KCNIP1: variants seen among roughly 807,000 people sequenced by gnomAD.
KCNIP1 encodes potassium voltage-gated channel interacting protein 1.
Under a neutral mutation model 33.0 loss-of-function variants are expected in KCNIP1, and 18 were observed. The observed-to-expected ratio is 0.55, with a 90% CI of 0.38 to 0.81. The LOEUF (loss-of-function observed/expected upper bound fraction) is 0.81, where lower values mean the gene tolerates loss of function less well. Ranked by LOEUF, KCNIP1 falls within the 30% of genes least tolerant of loss-of-function variation. KCNIP1 has a pLI of 0.00. For missense variants in KCNIP1, 238 were observed against 271.6 expected (o/e 0.88, Z 0.87); for synonymous variants, 93 against 98.3 (o/e 0.95, Z 0.32).
At chr5:170,527,001 G>A (rs1467437100) in intron 1 of KCNIP1, among the ~76,000 whole-genome samples, 2 of 152,132 alleles carry the variant, frequency 1.3e-5, no homozygotes, top group African/African-American at 4.8e-5. Flanking sequence ...GGGATTACAG[G>A]TGTGAGCCAC....
chr5:170,509,095 G>A (rs149222406), intron 1 of KCNIP1, among the ~76,000 whole-genome samples: 1,553 of 152,222 alleles, frequency 0.01, 28 homozygotes, highest in African/African-American at 0.036. Flanking sequence ...GACCCTGCAG[G>A]AAAAGTTAGC....
intron 1 of KCNIP1, among the ~76,000 whole-genome samples, chr5:170,617,530 A>G (rs934433549): frequency 1.3e-5 from 2 of 152,182 alleles, no homozygotes; most frequent in African/African-American, 4.8e-5. Context: ...TACAGCAGAC[A>G]GAGGGGGTCC....
chr5:170,536,098 A>G lies in KCNIP1; in HGVS notation c.61+31465A>G, dbSNP rs535230593. Among the ~76,000 whole-genome samples, 9 of 152,392 alleles carry G rather than the reference A, an allele frequency of 5.9e-5. No homozygotes were observed. In the East Asian group the frequency reaches 1.7e-3, roughly 29 times the overall value. ...CCCCATAGTATCCCCAGTGCCTCAC[A>G]CATGGTAAGCATTTAATAAAAACAA... On this transcript the variant is annotated intron_variant, in intron 1 of 7. Coordinates refer to ENST00000328939, the MANE Select transcript of KCNIP1 (RefSeq NM_014592.4).
At chr5:170,603,749 T>G (rs917197779) in intron 1 of KCNIP1, among the ~76,000 whole-genome samples, 1 of 152,156 alleles carries the variant, frequency 6.6e-6, no homozygotes, top group Non-Finnish European at 1.5e-5. Context: ...CACCATGTGG[T>G]TGGGCCAGGG....
At chr5:170,625,415 G>T (rs1266190386) in intron 1 of KCNIP1, among the ~76,000 whole-genome samples, 1 of 152,166 alleles carries the variant, frequency 6.6e-6, no homozygotes, top group Non-Finnish European at 1.5e-5. Context: ...CCCTGGCTGC[G>T]GCGTAAGCTA....
chr5:170,532,860 C>T (rs555161080), intron 1 of KCNIP1, among the ~76,000 whole-genome samples: 26 of 152,278 alleles, frequency 1.7e-4, no homozygotes, highest in African/African-American at 5.8e-4. Context: ...CCTCTTCCTC[C>T]TTCTCCTCTT....
rs539136474 is a variant in KCNIP1 at position 170,545,785 on chromosome 5, C to T, written c.61+41152C>T. Reference sequence around the variant, plus strand: ...TCTCTATTCTCTTTAACAGAATAACCATAGTCAAAGTCCTGTCTGATGAAT... The same window carrying T: ...TCTCTATTCTCTTTAACAGAATAACTATAGTCAAAGTCCTGTCTGATGAAT... On this transcript the variant is annotated intron_variant, in intron 1 of 7. Coordinates refer to ENST00000328939, the MANE Select transcript of KCNIP1 (RefSeq NM_014592.4). Among the ~76,000 whole-genome samples, 3 of 152,038 alleles carry T rather than the reference C, an allele frequency of 2.0e-5. No individual in the cohort carries two copies. The South Asian group carries it at 6.2e-4, about 32-fold the overall frequency.
intron 1 of KCNIP1, chr5:170,712,767 C>T (rs1316928108): frequency 7.8e-7 from 1 of 1,274,414 alleles, no homozygotes; most frequent in African/African-American, 1.5e-5. Context: ...TGGACACCCT[C>T]AGAGCGGCCT....
chr5:170,478,729 A>G (rs981603764), intron 1 of KCNIP1, among the ~76,000 whole-genome samples: 6 of 152,188 alleles, frequency 3.9e-5, no homozygotes, highest in Admixed American at 6.5e-5. Context: ...TGTATGCTCT[A>G]AAGAAAAAAA....
chr5:170,520,974 G>C (rs1174776678), intron 1 of KCNIP1, among the ~76,000 whole-genome samples: 1 of 152,190 alleles, frequency 6.6e-6, no homozygotes, highest in African/African-American at 2.4e-5. Context: ...CCCTTCTTGG[G>C]TTGCTGTGGG....
chr5:170,413,608 C>T (rs756654750), intron 1 of KCNIP1, among the ~76,000 whole-genome samples: 2 of 152,088 alleles, frequency 1.3e-5, no homozygotes, highest in African/African-American at 4.8e-5. Flanking sequence ...TTAAGCACGG[C>T]GAGAGATTTT....
rs1372864472 is a variant in KCNIP1, at chr5:170,489,103, G to A, written c.88+135139G>A. On this transcript the variant is annotated intron_variant, in intron 1 of 7. Transcript: ENST00000377360. The surrounding 1 kb of genome is among the most constrained non-coding windows in gnomAD (Gnocchi z 4.3). ...GTGCCTTCTCCCCCGGAGGCCAGAG[G>A]GCAGGAGACCAGCCAGGCGGGGAGG... 6.6e-6 allele frequency among the ~76,000 whole-genome samples: 1 copy of A among 152,190 alleles called. No individual in the cohort carries two copies. The highest frequency in any genetic ancestry group is 1.5e-5 in the Non-Finnish European group (1 of 68,028).
At chr5:170,729,306 AAAGT>A (rs1278250529) in intron 5 of KCNIP1, among the ~76,000 whole-genome samples, 1 of 152,078 alleles carries the variant, frequency 6.6e-6, no homozygotes, top group African/African-American at 2.4e-5. Flanking sequence ...ACAAAGTTGA[AAAGT>A]AAGTGACAAA....
At position 170,410,276 on chromosome 5, in the gene KCNIP1, TG is replaced by T. The variant is rs1755149188; in HGVS notation, c.88+56313del. ...CCCACACAGGGGATCGCAGACACAG[TG>T]AAGGTGTACCAGGTCCCCCACTCAG... On this transcript the variant is annotated intron_variant, in intron 1 of 7. Coordinates refer to the KCNIP1 transcript ENST00000377360. Among the ~76,000 whole-genome samples the T allele has an allele frequency of 2.7e-5, 3 of 111,310 alleles. 1 individual carries two copies. Among genetic ancestry groups the T allele is most frequent in the African/African-American group, 1.2e-4 (3 of 24,376 alleles). 73.0% of individuals were successfully genotyped at this position (111,310 alleles called of 152,430 possible).
intron 1 of KCNIP1, among the ~76,000 whole-genome samples, chr5:170,552,331 T>C (rs2113422815): frequency 6.6e-6 from 1 of 152,266 alleles, no homozygotes; most frequent in East Asian, 1.9e-4. Context: ...AGAACCAGTT[T>C]GCGTTTTCAT....
At chr5:170,369,543 G>T (rs1306808792) in intron 1 of KCNIP1, among the ~76,000 whole-genome samples, 1 of 152,186 alleles carries the variant, frequency 6.6e-6, no homozygotes, top group South Asian at 2.1e-4. Flanking sequence ...TGCCCCGCTG[G>T]TATCCATACC....
intron 1 of KCNIP1, among the ~76,000 whole-genome samples, chr5:170,552,655 G>C (rs142898900): frequency 7.9e-5 from 12 of 152,332 alleles, no homozygotes; most frequent in South Asian, 4.1e-4. Context: ...AAATGAAAGG[G>C]AGGGTGGTAG....
intron 1 of KCNIP1, among the ~76,000 whole-genome samples, chr5:170,442,097 C>T (rs1240144879): frequency 6.6e-6 from 1 of 152,140 alleles, no homozygotes; most frequent in Non-Finnish European, 1.5e-5. Context: ...CCGTCCCAAA[C>T]CTTTATGAAG....
chr5:170,623,220 T>G (rs1759677233), intron 1 of KCNIP1, among the ~76,000 whole-genome samples: 1 of 151,366 alleles, frequency 6.6e-6, no homozygotes, highest in Non-Finnish European at 1.5e-5. Flanking sequence ...CTTTTTTTTT[T>G]TCTTTTTTTT....
Sources: allele counts gnomAD v4.1 joint callset (sites outside exome capture counted in the v4.1 genomes callset), GRCh38; gene constraint gnomAD v4.1.1; non-coding constraint Gnocchi (gnomAD v3.1); transcripts MANE v1.5; gene names NCBI Gene and HGNC (gene_info 2026-07-23, HGNC 2026-07-21).